FOXP1: variants seen among roughly 807,000 people sequenced by gnomAD.
The protein encoded by FOXP1 is forkhead box protein P1.
FOXP1 carries 15 observed loss-of-function variants against 98.2 expected under a neutral mutation model. The ratio of observed to expected loss-of-function variants is 0.15; its 90% confidence interval spans 0.10 to 0.24. The LOEUF is 0.24. FOXP1 is among the 10% of genes least tolerant of loss of function. FOXP1 has a pLI of 1.00. For missense variants in FOXP1, 633 were observed against 848.5 expected (o/e 0.75, Z 3.15); for synonymous variants, 371 against 314.5 (o/e 1.18, Z -1.90).
At chr3:71,535,724 A>C (rs1235692926) in intron 2 of FOXP1, among the ~76,000 whole-genome samples, 2 of 152,168 alleles carry the variant, frequency 1.3e-5, no homozygotes, top group Non-Finnish European at 2.9e-5. Context: ...ACTCTGTCTC[A>C]AAAGAAGAGA....
chr3:71,256,829 T>C (rs1391698527), intron 5 of FOXP1, among the ~76,000 whole-genome samples: 1 of 152,152 alleles, frequency 6.6e-6, no homozygotes, highest in Non-Finnish European at 1.5e-5. Context: ...AGTAGACTGA[T>C]GTGAGGACAG....
At chr3:70,978,071 C>T (rs779671028) in intron 14 of FOXP1, 42 bp from the exon 15 acceptor site, 1 of 1,534,762 alleles carries the variant, frequency 6.5e-7, no homozygotes, top group South Asian at 1.1e-5. Flanking sequence ...CTTCAGAAAA[C>T]CAGAGCAACC....
intron 6 of FOXP1, among the ~76,000 whole-genome samples, chr3:71,178,443 T>A (rs2062079460): frequency 6.6e-6 from 1 of 152,086 alleles, no homozygotes; most frequent in Admixed American, 6.5e-5. Context: ...CAGTAATTTC[T>A]AACCCATAAA....
At chr3:71,178,510 A>AGGC (rs1383874542) in intron 6 of FOXP1, among the ~76,000 whole-genome samples, 2 of 152,126 alleles carry the variant, frequency 1.3e-5, no homozygotes, top group African/African-American at 4.8e-5. Context: ...TGCATTTGGG[A>AGGC]GGCCAAGGCA....
intron 9 of FOXP1, 30 bp from the exon 10 acceptor site, chr3:71,047,125 T>TGGCC (rs2049127247): frequency 6.2e-7 from 1 of 1,613,260 alleles, no homozygotes; most frequent in Admixed American, 1.7e-5. Context: ...AAAAATGAGA[T>TGGCC]GGCCACTTCC....
At chr3:71,104,634 G>A (rs1575709318) in intron 7 of FOXP1, among the ~76,000 whole-genome samples, 1 of 151,850 alleles carries the variant, frequency 6.6e-6, no homozygotes, top group Middle Eastern at 3.4e-3. Context: ...TCTGCATATG[G>A]AAACAATATA....
At chr3:71,200,380 A>G (rs1305039302) in intron 5 of FOXP1, among the ~76,000 whole-genome samples, 3 of 152,220 alleles carry the variant, frequency 2.0e-5, no homozygotes, top group Admixed American at 6.5e-5. Context: ...GAGAAAACTA[A>G]GGATCCACAA....
At chr3:71,403,752 G>A (rs1261015482) in intron 3 of FOXP1, among the ~76,000 whole-genome samples, 1 of 152,176 alleles carries the variant, frequency 6.6e-6, no homozygotes, top group East Asian at 1.9e-4. Context: ...TTGGGAGGCT[G>A]AGGTGGCAAG....
rs11355298 is a variant in FOXP1, at chr3:71,315,079, TAAAAAAA to T, written c.-72-15206_-72-15200del. Among the ~76,000 whole-genome samples the T allele has an allele frequency of 2.7e-4, 19 of 70,674 alleles. No homozygotes were observed. In the East Asian group the frequency reaches 5.9e-3, roughly 22 times the overall value. 46.4% of individuals were successfully genotyped at this position (70,674 alleles called of 152,430 possible). The stretch of plus-strand genomic sequence containing the variant: ...TGAACTAATCCACACCTGGTCCATG[TAAAAAAA>T]AAAAAAAAAAAAAAAAAAAAAGAAA... On this transcript the variant is annotated intron_variant, in intron 4 of 20. Coordinates refer to ENST00000649528, the MANE Select transcript of FOXP1 (RefSeq NM_001349338.3).
At position 71,135,881 on chromosome 3, in the gene FOXP1, G is replaced by T. The variant is rs551238700; in HGVS notation, c.181-23244C>A. Among the ~76,000 whole-genome samples, 4 of 152,278 alleles carry T rather than the reference G, an allele frequency of 2.6e-5. No individual in the cohort carries two copies. In the South Asian group the frequency reaches 8.3e-4, roughly 32 times the overall value. The stretch of plus-strand genomic sequence containing the variant: ...CTTCAAGGGCCAGGCCATATAAGGA[G>T]TTGCATCGACTATGCCTTCTTTACT... On this transcript the variant is annotated intron_variant, in intron 6 of 20. Transcript: ENST00000649528.
intron 3 of FOXP1, among the ~76,000 whole-genome samples, chr3:71,411,288 T>C (rs1243639451): frequency 2.5e-5 from 3 of 119,940 alleles, no homozygotes; most frequent in Non-Finnish European, 3.7e-5. Context: ...CGTGTGTGTG[T>C]GTGTGTGTGT....
intron 3 of FOXP1, among the ~76,000 whole-genome samples, chr3:71,436,575 T>C (rs1448184123): frequency 6.6e-6 from 1 of 152,130 alleles, no homozygotes; most frequent in South Asian, 2.1e-4. Context: ...TACAATTCCA[T>C]GTATTTCCAT....
At chr3:71,065,333 A>G (rs1453796431) in intron 7 of FOXP1, among the ~76,000 whole-genome samples, 2 of 152,022 alleles carry the variant, frequency 1.3e-5, no homozygotes, top group Non-Finnish European at 2.9e-5. Context: ...AACCTTTCCG[A>G]GAAACCCGGG....
intron 2 of FOXP1, among the ~76,000 whole-genome samples, chr3:71,496,725 T>G (rs2091441171): frequency 6.6e-6 from 1 of 152,110 alleles, no homozygotes; most frequent in East Asian, 1.9e-4. Flanking sequence ...AAGAATCGCT[T>G]GATCCAGGGA....
At chr3:71,309,211 C>T (rs2074516416) in intron 4 of FOXP1, among the ~76,000 whole-genome samples, 1 of 152,158 alleles carries the variant, frequency 6.6e-6, no homozygotes, top group Non-Finnish European at 1.5e-5. Context: ...TCCATCCATC[C>T]ATCACCAATT....
At chr3:71,000,062 T>C (rs1428732031) in intron 13 of FOXP1, among the ~76,000 whole-genome samples, 5 of 152,190 alleles carry the variant, frequency 3.3e-5, no homozygotes, top group Non-Finnish European at 7.3e-5. Flanking sequence ...TACATTTTAA[T>C]AATCTCCTTT....
intron 4 of FOXP1, among the ~76,000 whole-genome samples, chr3:71,308,995 C>T (rs1019710230): frequency 6.6e-6 from 1 of 152,056 alleles, no homozygotes; most frequent in African/African-American, 2.4e-5. Context: ...CAAATGTCAA[C>T]GAAAACTCAC....
At chr3:71,070,138 T>C (rs2053037825) in intron 7 of FOXP1, among the ~76,000 whole-genome samples, 2 of 152,156 alleles carry the variant, frequency 1.3e-5, no homozygotes, top group South Asian at 2.1e-4. Context: ...GGACATGTAA[T>C]GAACTATTAA....
chr3:71,197,911 G>T (rs762215469), intron 6 of FOXP1: 3 of 1,614,164 alleles, frequency 1.9e-6, no homozygotes, highest in Non-Finnish European at 2.5e-6. Flanking sequence ...TATTCAAAAT[G>T]GGGAAGGGTT....
Sources: allele counts gnomAD v4.1 joint callset (sites outside exome capture counted in the v4.1 genomes callset), GRCh38; gene constraint gnomAD v4.1.1; transcripts MANE v1.5; gene names NCBI Gene and HGNC (gene_info 2026-07-23, HGNC 2026-07-21).